POLDIP2: variants seen among roughly 807,000 people sequenced by gnomAD.
The protein encoded by POLDIP2 is DNA polymerase delta interacting protein 2.
POLDIP2 carries 32 observed loss-of-function variants against 52.9 expected under a neutral mutation model. The observed-to-expected ratio is 0.61, with a 90% CI of 0.46 to 0.81. The LOEUF is 0.81. POLDIP2 is among the 40% of genes least tolerant of loss of function. POLDIP2 has a pLI of 0.00. For synonymous variants in POLDIP2, 183 were observed against 183.0 expected (o/e 1.00, Z 0.00); for missense variants, 371 against 477.3 (o/e 0.78, Z 2.07).
At chr17:28,351,829 A>G (rs141873626) in intron 6 of POLDIP2, 29 bp from the exon 7 acceptor site, 70 of 1,606,996 alleles carry the variant, frequency 4.4e-5, no homozygotes, top group Non-Finnish European at 5.0e-5. Context: ...GGTTAGTCCA[A>G]TTGTGTGTTG....
chr17:28,346,973 C>T lies in POLDIP2; in HGVS notation c.*1144G>A, dbSNP rs1232280614. ...GGTTGCTCAGCATAAGTGATGGAAG[C>T]AAACACTAATTTCTAATAAAATTGT... On this transcript the variant is annotated 3_prime_UTR_variant, in exon 11 of 11. Coordinates refer to ENST00000540200, the MANE Select transcript of POLDIP2 (RefSeq NM_015584.5). 1 of 152,226 alleles carries T rather than the reference C, an allele frequency of 6.6e-6. No individual in the cohort carries two copies. The highest frequency in any genetic ancestry group is 1.9e-4 in the East Asian group (1 of 5,202). The allele number at this position is 152,226 out of a possible 1,614,324, so 9.4% of individuals were successfully genotyped here.
In POLDIP2 at chr17:28,346,933, A is replaced by G. The variant is rs965277291; in HGVS notation, c.*1184T>C. The G allele has an allele frequency of 3.3e-5, 5 of 152,342 alleles. No individual in the cohort carries two copies. The highest frequency in any genetic ancestry group is 3.4e-3 in the Middle Eastern group (1 of 294). 9.4% of individuals were successfully genotyped at this position (152,342 alleles called of 1,614,324 possible). On this transcript the variant is annotated 3_prime_UTR_variant, in exon 11 of 11. Transcript: ENST00000540200. ...CAGGAAAGAATTTTTCCTTTATCAC[A>G]TAACTGTAATATTTGGTTGCTCAGC...
chr17:28,351,803 G>T lies in POLDIP2; in HGVS notation c.623-3C>A. ...CTCCCGAGCCACAAAAGGAGGTGCT[G>T]GGGCAAGATACAATTGGTTAGTCCA... On this transcript the variant is annotated splice_polypyrimidine_tract_variant and splice_region_variant and intron_variant, in intron 6 of 10. Transcript: ENST00000540200. 6.2e-7 allele frequency: 1 copy of T among 1,613,004 alleles called. No homozygotes were observed.
At position 28,348,656 on chromosome 17, in the gene POLDIP2, G is replaced by A. The variant is rs907564590; in HGVS notation, c.993-425C>T. Among the ~76,000 whole-genome samples the A allele has an allele frequency of 5.2e-4, 79 of 152,310 alleles. 1 individual carries two copies. Among genetic ancestry groups the A allele is most frequent in the African/African-American group, 1.8e-3 (74 of 41,570 alleles). On this transcript the variant is annotated intron_variant, in intron 10 of 10. Coordinates refer to ENST00000540200, the MANE Select transcript of POLDIP2 (RefSeq NM_015584.5). ...GAACCTGGGAGGCGGAGGTTGCAGT[G>A]AGCCAAGATTGTGCCATTGCACTCC...
chr17:28,355,060 G>A (rs1907961716), intron 2 of POLDIP2, among the ~76,000 whole-genome samples: 1 of 152,190 alleles, frequency 6.6e-6, no homozygotes, highest in South Asian at 2.1e-4. Flanking sequence ...GAACAAAGCT[G>A]ATATAGAAAA....
At chr17:28,353,848 G>T in intron 3 of POLDIP2, 57 bp from the exon 4 acceptor site, 1 of 1,168,880 alleles carries the variant, frequency 8.6e-7, no homozygotes, top group South Asian at 1.2e-5. Context: ...AGCTGTGGCT[G>T]ACTCAGCTCC....
intron 9 of POLDIP2, 100 bp downstream of exon 9, chr17:28,350,338 A>G: frequency 9.6e-7 from 1 of 1,044,036 alleles, no homozygotes; most frequent in Non-Finnish European, 1.3e-6. Context: ...TGTATTCACA[A>G]AGTGAGCCTC....
At chr17:28,348,350 A>C (rs570454799) in intron 10 of POLDIP2, 119 bp from the exon 11 acceptor site, 2 of 649,268 alleles carry the variant, frequency 3.1e-6, no homozygotes, top group Non-Finnish European at 2.8e-6. Flanking sequence ...GCTCTCTTCT[A>C]TCTCTAGCTC....
rs761500410 is a variant in POLDIP2 at position 28,355,855 on chromosome 17, C to T, written c.183G>A (p.Val61=). Reference sequence around the variant, plus strand: ...CCTCAAACACACCAACTGTCTCCAACACTTTGCCCTCTGGTCGGTTTCTGA... The same window carrying T: ...CCTCAAACACACCAACTGTCTCCAATACTTTGCCCTCTGGTCGGTTTCTGA... ...LSSRNRPEGK[V]LETVGVFEVP... The change falls in exon 2 of 11, where the codon GTG becomes GTA. Residue 61 remains valine, a synonymous_variant. Coordinates refer to ENST00000540200, the MANE Select transcript of POLDIP2 (RefSeq NM_015584.5). The T allele has an allele frequency of 9.8e-5, 158 of 1,612,908 alleles. 1 individual carries two copies. The highest frequency in any genetic ancestry group is 1.0e-4 in the Non-Finnish European group (123 of 1,179,530).
chr17:28,351,361 G>A (rs1183327061), intron 7 of POLDIP2, among the ~76,000 whole-genome samples: 2 of 152,190 alleles, frequency 1.3e-5, no homozygotes, highest in African/African-American at 2.4e-5. Flanking sequence ...AAAGTGTTAT[G>A]CCTACACTGC....
rs1287239560 is a variant in POLDIP2 at position 28,353,264 on chromosome 17, C to T, written c.491G>A (p.Ser164Asn). The stretch of plus-strand genomic sequence containing the variant: ...ACCTGGGATGGCATAGAGGGCCCGA[C>T]TGTCATCATGGTTAGCCAAGAAGGT... ...AVTFLANHDDSRALYAIPGLD... is the reference protein window; with the variant it reads ...AVTFLANHDDNRALYAIPGLD... The change falls in exon 5 of 11, where the codon AGT (serine) becomes AAT (asparagine). Residue 164 changes from serine to asparagine, a missense_variant. Transcript: ENST00000540200. The T allele has an allele frequency of 1.9e-6, 3 of 1,591,138 alleles. No individual in the cohort carries two copies. The highest frequency in any genetic ancestry group is 2.6e-6 in the Non-Finnish European group (3 of 1,161,110).
chr17:28,354,591 A>T lies in POLDIP2; in HGVS notation c.244-6T>A, dbSNP rs1555580600. On this transcript the variant is annotated splice_region_variant and splice_polypyrimidine_tract_variant and intron_variant, in intron 2 of 10. Coordinates refer to ENST00000540200, the MANE Select transcript of POLDIP2 (RefSeq NM_015584.5). ...AAAATGCTATGAAGGAAAAGCTGGA[A>T]GGAAAGAGGGGCCTCAGTGAGTCTG... 6.5e-7 allele frequency: 1 copy of T among 1,546,498 alleles called. No homozygotes were observed. Among genetic ancestry groups the T allele is most frequent in the Non-Finnish European group, 8.8e-7 (1 of 1,141,672 alleles).
chr17:28,353,156 A>T, intron 5 of POLDIP2, 85 bp downstream of exon 5: 1 of 773,458 alleles, frequency 1.3e-6, no homozygotes, highest in Non-Finnish European at 2.3e-6. Flanking sequence ...AATCCCTCCC[A>T]GTGGATGACA....
At chr17:28,349,053 T>G (rs1907696505) in intron 10 of POLDIP2, 30 bp downstream of exon 10, 2 of 1,504,208 alleles carry the variant, frequency 1.3e-6, no homozygotes, top group Middle Eastern at 3.4e-4. Context: ...TGGAGCTGGG[T>G]GGCCCCTACT....
At position 28,355,864 on chromosome 17, in the gene POLDIP2, C is replaced by T; in HGVS notation, c.174G>A (p.Glu58=). ...CACCAACTGTCTCCAACACTTTGCC[C>T]TCTGGTCGGTTTCTGAGTAGGAAGG... is the stretch of plus-strand genomic sequence containing the variant. The part of the protein sequence containing the change: ...RRHLSSRNRP[E]GKVLETVGVF... Residue 58 remains glutamate, a synonymous_variant, in exon 2 of 11, where the codon GAG becomes GAA. Coordinates refer to ENST00000540200, the MANE Select transcript of POLDIP2 (RefSeq NM_015584.5). 3 of 1,612,500 alleles carry T rather than the reference C, an allele frequency of 1.9e-6. No homozygotes were observed. The highest frequency in any genetic ancestry group is 2.5e-6 in the Non-Finnish European group (3 of 1,179,170).
intron 1 of POLDIP2, 105 bp from the exon 2 acceptor site, chr17:28,355,981 C>G (rs1908012157): frequency 1.2e-6 from 1 of 819,736 alleles, no homozygotes; most frequent in Admixed American, 2.1e-5. Context: ...GCGATGACAG[C>G]AGAGAAGGGT....
chr17:28,348,275 G>T, intron 10 of POLDIP2, 44 bp from the exon 11 acceptor site: 2 of 1,331,820 alleles, frequency 1.5e-6, no homozygotes, highest in Non-Finnish European at 2.2e-6. Context: ...CAGGGCTGAG[G>T]CCTCCTAAGG....
chr17:28,351,539 C>T (rs1312682519), intron 7 of POLDIP2, 125 bp downstream of exon 7: 2 of 907,424 alleles, frequency 2.2e-6, no homozygotes, highest in African/African-American at 3.3e-5. Context: ...CACATGCCAC[C>T]ACTTGGAAGC....
rs544759806 is a variant in POLDIP2, at chr17:28,351,255, C to T, written c.759+409G>A. Among the ~76,000 whole-genome samples, 5 of 152,312 alleles carry T rather than the reference C, an allele frequency of 3.3e-5. No individual in the cohort carries two copies. In the South Asian group the frequency reaches 1.0e-3, roughly 32 times the overall value. On this transcript the variant is annotated intron_variant, in intron 7 of 10. Coordinates refer to ENST00000540200, the MANE Select transcript of POLDIP2 (RefSeq NM_015584.5). ...TCCAAGCATGCACTGACTATACGTA[C>T]TTTTCTGACCTATAGCTTCTGTCTG...
Sources: allele counts gnomAD v4.1 joint callset (sites outside exome capture counted in the v4.1 genomes callset), GRCh38; gene constraint gnomAD v4.1.1; transcripts MANE v1.5; gene names NCBI Gene and HGNC (gene_info 2026-07-23, HGNC 2026-07-21).